JPT2: variants seen among roughly 807,000 people sequenced by gnomAD.
JPT2 encodes the protein Jupiter microtubule associated homolog 2.
A neutral mutation model predicts 15.9 loss-of-function variants in JPT2; 9 were observed. The ratio of observed to expected loss-of-function variants is 0.57; its 90% confidence interval spans 0.34 to 0.99. The LOEUF is 0.99. JPT2 is among the 50% of genes least tolerant of loss of function. The probability of loss-of-function intolerance (pLI) is 0.02; values close to 1 mark genes in which losing one functional copy is unlikely to be tolerated. For synonymous variants in JPT2, 95 were observed against 91.7 expected (o/e 1.04, Z -0.21); for missense variants, 267 against 252.1 (o/e 1.06, Z -0.40).
At chr16:1,684,433 G>C (rs1299367035) in intron 1 of JPT2, among the ~76,000 whole-genome samples, 1 of 152,114 alleles carries the variant, frequency 6.6e-6, no homozygotes, top group Non-Finnish European at 1.5e-5. Flanking sequence ...TTAAGTTTAA[G>C]TTTTTACAAT....
At chr16:1,686,608 G>C (rs1190517049) in intron 2 of JPT2, 1 of 151,500 alleles carries the variant, frequency 6.6e-6, no homozygotes, top group Non-Finnish European at 1.5e-5. Flanking sequence ...AGAATCACTT[G>C]AACCCGGGAG....
rs1484774605 is a variant in JPT2, at chr16:1,701,447, G to T, written c.*2449G>T. On this transcript the variant is annotated 3_prime_UTR_variant, in exon 5 of 5. Transcript: ENST00000248098. ...CTCAGAGCTTTTGCCTGTCAGTTGT[G>T]TGTGTCCCTTATAGTCCCTTCCCCC... The T allele has an allele frequency of 6.6e-6, 1 of 152,250 alleles. No individual in the cohort carries two copies. The highest frequency in any genetic ancestry group is 1.9e-4 in the East Asian group (1 of 5,204). The allele number at this position is 152,250 out of a possible 1,614,324, so 9.4% of individuals were successfully genotyped here.
In JPT2 at chr16:1,685,494, G is replaced by A. The variant is rs767595374; in HGVS notation, c.100G>A (p.Ala34Thr). ...SSNLFGSPEE[A>T]TPSSRPNRMA... ...CAATCTTTTTGGAAGTCCAGAAGAA[G>A]CTACTCCTTCCAGCAGGCCTAATAG... Residue 34 changes from alanine to threonine, a missense_variant, in exon 2 of 5, where the codon GCT (alanine) becomes ACT (threonine). Ala to Thr is a moderately conservative substitution (Grantham distance 58). Transcript: ENST00000248098. 19 of 1,614,134 alleles carry A rather than the reference G, an allele frequency of 1.2e-5. No homozygotes were observed. In the South Asian group the frequency reaches 2.0e-4, roughly 17 times the overall value.
At chr16:1,681,227 G>T (rs998383785) in intron 1 of JPT2, among the ~76,000 whole-genome samples, 4 of 152,068 alleles carry the variant, frequency 2.6e-5, no homozygotes, top group Admixed American at 2.0e-4. Context: ...TCTATTGAAC[G>T]CTCAGTTCCA....
chr16:1,696,836 G>A (rs765498298), intron 3 of JPT2, among the ~76,000 whole-genome samples: 1 of 152,206 alleles, frequency 6.6e-6, no homozygotes, highest in African/African-American at 2.4e-5. Flanking sequence ...AGTTGGTGAG[G>A]ATGCAGAGAA....
chr16:1,678,369 G>A lies in JPT2; in HGVS notation c.44+13G>A, dbSNP rs1349657550. The A allele has an allele frequency of 3.3e-6, 4 of 1,228,088 alleles. No individual in the cohort carries two copies. Among genetic ancestry groups the A allele is most frequent in the East Asian group, 6.4e-5 (2 of 31,288 alleles). The allele number at this position is 1,228,088 out of a possible 1,614,324, so 76.1% of individuals were successfully genotyped here. ...GCGCCGGCTCCAGGTGCGGCGCGGG[G>A]CACACGGGAGGCGGGCGGATAGCGC... On this transcript the variant is annotated intron_variant, in intron 1 of 4. Transcript: ENST00000248098.
chr16:1,697,037 G>A (rs1567472190), intron 3 of JPT2, among the ~76,000 whole-genome samples: 1 of 152,204 alleles, frequency 6.6e-6, no homozygotes, highest in Non-Finnish European at 1.5e-5. Context: ...AGTAGCCCAA[G>A]GGCGGGAATG....
Position 1,678,343 on chromosome 16 carries a change from C to T in JPT2, c.31C>T (p.Arg11Cys), listed in dbSNP as rs2036989694. Residue 11 changes from arginine to cysteine, a missense_variant, in exon 1 of 5, where the codon CGC becomes TGC. By Grantham distance (180) the Arg-to-Cys change is radical. Coordinates refer to ENST00000248098, the MANE Select transcript of JPT2 (RefSeq NM_144570.3). Reference sequence around the variant, plus strand: ...CCAGGTCCCGGATAGCGAGGGCGGCCGCGCCGGCTCCAGGTGCGGCGCGGG... The same window carrying T: ...CCAGGTCCCGGATAGCGAGGGCGGCTGCGCCGGCTCCAGGTGCGGCGCGGG... Reference protein sequence around the residue: MFQVPDSEGGRAGSRAMKPPG... With the variant: MFQVPDSEGGCAGSRAMKPPG... 1 of 1,232,782 alleles carries T rather than the reference C, an allele frequency of 8.1e-7. No homozygotes were observed. Among genetic ancestry groups the T allele is most frequent in the Non-Finnish European group, 1.0e-6 (1 of 986,050 alleles). 76.4% of individuals were successfully genotyped at this position (1,232,782 alleles called of 1,614,324 possible).
rs1441712832 is a variant in JPT2 at position 1,699,808 on chromosome 16, T to C, written c.*810T>C. 1.6e-5 allele frequency: 4 copies of C among 253,182 alleles called. No individual in the cohort carries two copies. Among genetic ancestry groups the C allele is most frequent in the Non-Finnish European group, 2.4e-5 (3 of 123,936 alleles). 15.7% of individuals were successfully genotyped at this position (253,182 alleles called of 1,614,324 possible). Reference sequence around the variant, plus strand: ...TCTCCAGTGATGTAGACAGTTCCCTTCACAAGTCACAGTTCTTCCCATAAA... The same window carrying C: ...TCTCCAGTGATGTAGACAGTTCCCTCCACAAGTCACAGTTCTTCCCATAAA... On this transcript the variant is annotated 3_prime_UTR_variant, in exon 5 of 5. Coordinates refer to ENST00000248098, the MANE Select transcript of JPT2 (RefSeq NM_144570.3).
intron 1 of JPT2, chr16:1,683,420 T>C: frequency 1.2e-6 from 1 of 839,458 alleles, no homozygotes; most frequent in Non-Finnish European, 1.9e-6. Context: ...CAGCCCTTTC[T>C]CATTTAAGCT....
chr16:1,679,827 C>T (rs2037007037), intron 1 of JPT2, among the ~76,000 whole-genome samples: 1 of 151,464 alleles, frequency 6.6e-6, no homozygotes. Flanking sequence ...GAGGCCGAGG[C>T]AGGTGGACCA....
chr16:1,694,370 A>C (rs960277655), intron 3 of JPT2, among the ~76,000 whole-genome samples: 1 of 152,232 alleles, frequency 6.6e-6, no homozygotes, highest in Non-Finnish European at 1.5e-5. Context: ...GCTCAGAACA[A>C]TGGCTTACAT....
intron 3 of JPT2, 49 bp from the exon 4 acceptor site, chr16:1,697,763 G>A: frequency 1.3e-6 from 2 of 1,573,366 alleles, no homozygotes; most frequent in South Asian, 1.1e-5. Context: ...TTTGAATGAG[G>A]GTAAAATTTT....
At chr16:1,694,159 C>T (rs912653628) in intron 3 of JPT2, among the ~76,000 whole-genome samples, 1 of 152,184 alleles carries the variant, frequency 6.6e-6, no homozygotes, top group Non-Finnish European at 1.5e-5. Flanking sequence ...ATTAGAATAT[C>T]ACTGTTTTAT....
chr16:1,680,628 G>A, intron 1 of JPT2: 1 of 515,140 alleles, frequency 1.9e-6, no homozygotes, highest in Non-Finnish European at 2.6e-6. Context: ...CGAGTCAGGT[G>A]GTGGCTGTAA....
At chr16:1,679,179 C>A (rs370545640) in intron 1 of JPT2, among the ~76,000 whole-genome samples, 1 of 152,234 alleles carries the variant, frequency 6.6e-6, no homozygotes, top group Non-Finnish European at 1.5e-5. Context: ...GAGCAGTAAA[C>A]TTGCATTGTG....
intron 3 of JPT2, among the ~76,000 whole-genome samples, chr16:1,693,523 A>G (rs186712028): frequency 9.5e-4 from 145 of 152,270 alleles, no homozygotes; most frequent in African/African-American, 3.2e-3. Context: ...TACGTAAAGC[A>G]CTCGAATTAG....
intron 1 of JPT2, among the ~76,000 whole-genome samples, chr16:1,678,743 T>C (rs918971175): frequency 6.7e-6 from 1 of 149,436 alleles, no homozygotes; most frequent in Admixed American, 6.6e-5. Context: ...GCCCATTTTG[T>C]CTGTGGGATG....
At chr16:1,678,768 C>CG (rs1318439320) in intron 1 of JPT2, among the ~76,000 whole-genome samples, 4 of 141,656 alleles carry the variant, frequency 2.8e-5, no homozygotes, top group Admixed American at 7.1e-5. Context: ...TCCATGTTCC[C>CG]GGGGGGGTGT....
Sources: gnomAD v4.1 joint callset for allele counts (sites outside exome capture counted in the v4.1 genomes callset) on GRCh38, gnomAD v4.1.1 for gene constraint, MANE v1.5 for transcripts, NCBI Gene and HGNC (gene_info 2026-07-23, HGNC 2026-07-21) for gene names.